The following GRIK2 variants were observed in gnomAD, a reference collection of about 807,000 sequenced individuals.
The protein encoded by GRIK2 is glutamate ionotropic receptor kainate type subunit 2, also known as glutamate receptor ionotropic, kainate 2.
GRIK2 carries 32 observed loss-of-function variants against 100.3 expected under a neutral mutation model. That is an observed-to-expected ratio of 0.32 (90% CI 0.24 to 0.43). The LOEUF (loss-of-function observed/expected upper bound fraction) is 0.43. GRIK2 is among the 20% of genes least tolerant of loss of function. GRIK2 has a pLI of 1.00. For synonymous variants in GRIK2, 417 were observed against 389.4 expected (o/e 1.07, Z -0.83); for missense variants, 843 against 1,114.9 (o/e 0.76, Z 3.47).
intron 10 of GRIK2, among the ~76,000 whole-genome samples, chr6:101,835,440 G>A (rs1024047097): frequency 5.0e-5 from 7 of 141,368 alleles, no homozygotes; most frequent in African/African-American, 1.8e-4. Context: ...ATTATAAAAA[G>A]AGGTACAGAT....
At chr6:101,788,465 T>C (rs1393344308) in intron 7 of GRIK2, among the ~76,000 whole-genome samples, 1 of 151,930 alleles carries the variant, frequency 6.6e-6, no homozygotes, top group African/African-American at 2.4e-5. Flanking sequence ...CAGTGTTTGG[T>C]TTTTTGTCCT....
rs539801953 is a variant in GRIK2, at chr6:101,633,716, C to A, written c.541+7079C>A. Reference sequence around the variant, plus strand: ...CTATCAAGTTAATCATTTTAGATTTCTTTCCAGTCTGTTTCTCTACAAATA... The same window carrying A: ...CTATCAAGTTAATCATTTTAGATTTATTTCCAGTCTGTTTCTCTACAAATA... On this transcript the variant is annotated intron_variant, in intron 4 of 16. Transcript: ENST00000369134. 4.1e-3 allele frequency among the ~76,000 whole-genome samples: 629 copies of A among 152,204 alleles called. 4 individuals carry two copies. Among genetic ancestry groups the A allele is most frequent in the Non-Finnish European group, 6.5e-3 (445 of 67,998 alleles).
chr6:101,935,498 C>G (rs904115160), intron 14 of GRIK2, among the ~76,000 whole-genome samples: 4 of 151,802 alleles, frequency 2.6e-5, no homozygotes, highest in African/African-American at 9.7e-5. Context: ...GGATTGAAAG[C>G]ATAAAGGTCC....
intron 4 of GRIK2, among the ~76,000 whole-genome samples, chr6:101,637,340 T>C (rs1781071750): frequency 6.6e-6 from 1 of 152,132 alleles, no homozygotes; most frequent in South Asian, 2.1e-4. Flanking sequence ...TAACGCAACA[T>C]AACAAAAGCC....
intron 14 of GRIK2, among the ~76,000 whole-genome samples, chr6:101,935,021 G>T (rs1395436293): frequency 6.6e-6 from 1 of 151,974 alleles, no homozygotes; most frequent in African/African-American, 2.4e-5. Context: ...ATTTTATATA[G>T]CAAGATTTCT....
chr6:101,900,905 TG>T (rs1787804858), intron 12 of GRIK2, among the ~76,000 whole-genome samples: 1 of 149,656 alleles, frequency 6.7e-6, no homozygotes, highest in Admixed American at 6.7e-5. Flanking sequence ...TGAGTGTCCT[TG>T]TTTTTTTTTT....
At chr6:101,598,627 T>G (rs140405524) in intron 2 of GRIK2, among the ~76,000 whole-genome samples, 12,393 of 144,906 alleles carry the variant, frequency 0.086, 652 homozygotes, top group Admixed American at 0.15. Flanking sequence ...AAAAAAAATT[T>G]AAAAAAAAGG....
At chr6:101,750,998 T>C (rs891180990) in intron 7 of GRIK2, among the ~76,000 whole-genome samples, 3 of 152,256 alleles carry the variant, frequency 2.0e-5, no homozygotes, top group African/African-American at 7.2e-5. Context: ...AAAAGTACTA[T>C]ATTTTGAAGC....
At chr6:101,486,530 GTTTAC>G (rs1362472148) in intron 2 of GRIK2, among the ~76,000 whole-genome samples, 5 of 152,040 alleles carry the variant, frequency 3.3e-5, no homozygotes, top group Non-Finnish European at 7.4e-5. Context: ...ATATATTTGT[GTTTAC>G]TTTAAGCATT....
intron 4 of GRIK2, among the ~76,000 whole-genome samples, chr6:101,629,847 C>A (rs1780640995): frequency 6.6e-6 from 1 of 152,106 alleles, no homozygotes; most frequent in Admixed American, 6.6e-5. Context: ...GATAGTTTTT[C>A]AACCCTTAAC....
At chr6:101,970,050 A>G (rs536631386) in intron 14 of GRIK2, among the ~76,000 whole-genome samples, 47 of 152,170 alleles carry the variant, frequency 3.1e-4, no homozygotes, top group Admixed American at 3.0e-3. Context: ...CACTGAAATC[A>G]CATGCCTATT....
intron 14 of GRIK2, among the ~76,000 whole-genome samples, chr6:101,990,016 C>T (rs1794270998): frequency 6.6e-6 from 1 of 151,642 alleles, no homozygotes; most frequent in African/African-American, 2.4e-5. Context: ...AACAAGTCAT[C>T]TTCCAAGAAT....
At chr6:101,405,164 G>A (rs867813789) in intron 2 of GRIK2, among the ~76,000 whole-genome samples, 2 of 152,086 alleles carry the variant, frequency 1.3e-5, no homozygotes, top group Non-Finnish European at 2.9e-5. Context: ...AGGCAGATTA[G>A]CACTATATAG....
chr6:101,723,082 C>T (rs1774602630), intron 7 of GRIK2, among the ~76,000 whole-genome samples: 1 of 151,918 alleles, frequency 6.6e-6, no homozygotes, highest in South Asian at 2.1e-4. Context: ...TAGTTAGAGT[C>T]CATGCTCACT....
At chr6:101,605,939 G>A (rs2224202) in intron 2 of GRIK2, among the ~76,000 whole-genome samples, 36,713 of 151,880 alleles carry the variant, frequency 0.24, 4,915 homozygotes, top group African/African-American at 0.35. Flanking sequence ...AGAAAGTAGA[G>A]CTCACTTCCT....
At chr6:101,719,769 A>G (rs1486506748) in intron 7 of GRIK2, among the ~76,000 whole-genome samples, 1 of 151,994 alleles carries the variant, frequency 6.6e-6, no homozygotes, top group African/African-American at 2.4e-5. Context: ...GAGGGAAGTA[A>G]TGGTGGCAAA....
chr6:101,554,290 G>A (rs1201842074), intron 2 of GRIK2, among the ~76,000 whole-genome samples: 1 of 152,160 alleles, frequency 6.6e-6, no homozygotes, highest in African/African-American at 2.4e-5. Flanking sequence ...GTTAGTGTCT[G>A]TGTCCTTCAG....
chr6:101,512,213 T>A (rs549546570), intron 2 of GRIK2, among the ~76,000 whole-genome samples: 1 of 152,046 alleles, frequency 6.6e-6, no homozygotes, highest in African/African-American at 2.4e-5. Flanking sequence ...AAAGATTAAA[T>A]AATAAACTTA....
intron 2 of GRIK2, among the ~76,000 whole-genome samples, chr6:101,510,511 T>G (rs956319448): frequency 5.2e-4 from 5 of 9,570 alleles, no homozygotes; most frequent in Non-Finnish European, 9.4e-4. Flanking sequence ...AGTTGGGGAG[T>G]TTTTTTTTTT....
Sources: gnomAD v4.1 joint callset for allele counts (sites outside exome capture counted in the v4.1 genomes callset) on GRCh38, gnomAD v4.1.1 for gene constraint, MANE v1.5 for transcripts, NCBI Gene and HGNC (gene_info 2026-07-23, HGNC 2026-07-21) for gene names.